C5orf24: variants seen among roughly 807,000 people sequenced by gnomAD.
C5orf24 encodes UPF0461 protein C5orf24.
A neutral mutation model predicts 9.8 loss-of-function variants in C5orf24; 4 were observed. That is an observed-to-expected ratio of 0.41 (90% CI 0.20 to 0.93). C5orf24 has a LOEUF of 0.93. Among genes scored for constraint, C5orf24 ranks in the 40% least tolerant of loss-of-function variants. The probability of loss-of-function intolerance (pLI) is 0.33; values close to 1 mark genes in which losing one functional copy is unlikely to be tolerated. For missense variants in C5orf24, 170 were observed against 236.9 expected, an observed-to-expected ratio of 0.72 and a Z score of 1.85; for synonymous variants, 73 against 81.3, an observed-to-expected ratio of 0.90 and a Z score of 0.55.
chr5:134,850,395 C>T (rs763318322), intron 1 of C5orf24, among the ~76,000 whole-genome samples: 3 of 152,102 alleles, frequency 2.0e-5, no homozygotes, highest in Non-Finnish European at 4.4e-5. Context: ...GATCCACCCG[C>T]CTTGGCCTCC....
At chr5:134,853,301 C>T (rs1380695030) in intron 1 of C5orf24, among the ~76,000 whole-genome samples, 8 of 148,532 alleles carry the variant, frequency 5.4e-5, no homozygotes, top group Admixed American at 2.1e-4. Flanking sequence ...GCGGAGGTTG[C>T]GGTGAGCCAA....
At chr5:134,845,146 C>G (rs1463190614), upstream of C5orf24, among the ~76,000 whole-genome samples, 1 of 152,192 alleles carries the variant, frequency 6.6e-6, no homozygotes, top group Non-Finnish European at 1.5e-5. Flanking sequence ...GTGTTGTGTC[C>G]TGGCTTGTGT....
At chr5:134,839,452 T>C in the C5orf24 span, among the ~76,000 whole-genome samples, 1 of 151,956 alleles carries the variant, frequency 6.6e-6, no homozygotes, top group Non-Finnish European at 1.5e-5. Context: ...TAAATCCGTA[T>C]CTATCTTCAT....
At position 134,850,941 on chromosome 5, in the gene C5orf24, C is replaced by T. The variant is rs867698875; in HGVS notation, c.-3-3957C>T. ...GTTCATATATATATATATATATACA[C>T]ACACACACACACACTACACACACAT... On this transcript the variant is annotated intron_variant, in intron 1 of 1. Coordinates refer to ENST00000394976, the MANE Select transcript of C5orf24 (RefSeq NM_001135586.1). Among the ~76,000 whole-genome samples the T allele has an allele frequency of 5.0e-3, 689 of 138,084 alleles. 7 individuals carry two copies. Among genetic ancestry groups the T allele is most frequent in the African/African-American group, 0.018 (639 of 34,582 alleles). The allele number at this position is 138,084 out of a possible 152,430, so 90.6% of individuals were successfully genotyped here. A position where few individuals can be genotyped will look rare whatever the true frequency, so the allele number is the denominator to read the frequency against.
At position 134,857,362 on chromosome 5, in the gene C5orf24, A is replaced by C. The variant is rs1281813901; in HGVS notation, c.*1895A>C. 6.5e-7 allele frequency: 1 copy of C among 1,547,632 alleles called. No homozygotes were observed. Among genetic ancestry groups the C allele is most frequent in the East Asian group, 2.4e-5 (1 of 40,866 alleles). On this transcript the variant is annotated 3_prime_UTR_variant, in exon 2 of 2. Transcript: ENST00000394976. ...TTTCATACCTTTTTTATCAGGAAAAAAGCAGCAAGCCTTCAGGTGTTCCAG... is the reference window on the plus strand; with the variant it reads ...TTTCATACCTTTTTTATCAGGAAAACAGCAGCAAGCCTTCAGGTGTTCCAG...
chr5:134,857,577 C>G lies in C5orf24; in HGVS notation c.*2110C>G. 6 of 779,052 alleles carry G rather than the reference C, an allele frequency of 7.7e-6. No homozygotes were observed. The highest frequency in any genetic ancestry group is 1.1e-5 in the Non-Finnish European group (6 of 551,190). The allele number at this position is 779,052 out of a possible 1,614,324, so 48.3% of individuals were successfully genotyped here. On this transcript the variant is annotated 3_prime_UTR_variant, in exon 2 of 2. Transcript: ENST00000394976. ...TAACATTCTGGCAGCTAAATTGCTA[C>G]AAGAGCTTTTTCTTGCAAAAGCTTA...
Position 134,855,459 on chromosome 5 carries a change from AAT to A in C5orf24, c.560_561del (p.Asn187ArgfsTer12), listed in dbSNP as rs767039261. ...AACTAGCAGTGAAGTCAAACCACCCAATGAGTGAATGAGGCAGGAAAAGAGGG... is the reference window on the plus strand; with the variant it reads ...AACTAGCAGTGAAGTCAAACCACCCAGAGTGAATGAGGCAGGAAAAGAGGG... ...EETSSEVKPPNE is the reference protein window; with the variant it reads ...EETSSEVKPPXE On this transcript the variant is annotated frameshift_variant, in exon 2 of 2. Coordinates refer to ENST00000394976, the MANE Select transcript of C5orf24 (RefSeq NM_001135586.1). LOFTEE classifies it high-confidence loss of function. 6.2e-7 allele frequency: 1 copy of A among 1,614,050 alleles called. No individual in the cohort carries two copies. The highest frequency in any genetic ancestry group is 8.5e-7 in the Non-Finnish European group (1 of 1,180,002).
intron 1 of C5orf24, among the ~76,000 whole-genome samples, chr5:134,851,164 G>T (rs764119076): frequency 6.6e-6 from 1 of 151,842 alleles, no homozygotes; most frequent in Non-Finnish European, 1.5e-5. Flanking sequence ...CTGACCTTAG[G>T]TGATTTTCCC....
the C5orf24 span, chr5:134,833,718 G>A: frequency 2.6e-5 from 4 of 152,192 alleles, no homozygotes; most frequent in Non-Finnish European, 5.9e-5. Flanking sequence ...AGGGGTCCAA[G>A]TAGGAATGCA....
chr5:134,840,424 G>A, the C5orf24 span, among the ~76,000 whole-genome samples: 7 of 151,828 alleles, frequency 4.6e-5, no homozygotes, highest in Admixed American at 4.6e-4. Context: ...GTTCAGGCTG[G>A]AGTACAGTGT....
intron 1 of C5orf24, among the ~76,000 whole-genome samples, chr5:134,849,905 G>A (rs1043562412): frequency 4.0e-5 from 6 of 151,672 alleles, no homozygotes; most frequent in African/African-American, 1.5e-4. Flanking sequence ...TGATCCACCC[G>A]CCTCAGCCTC....
chr5:134,856,916 GTTAGT>G lies in C5orf24; in HGVS notation c.*1453_*1457del. ...CATGAAACATGTAAAAAATATGTTGGTTAGTTTAATTAAAAATCTTATTGTGGGTC... is the reference window on the plus strand; with the variant it reads ...CATGAAACATGTAAAAAATATGTTGGTTAATTAAAAATCTTATTGTGGGTC... On this transcript the variant is annotated 3_prime_UTR_variant, in exon 2 of 2. Coordinates refer to ENST00000394976, the MANE Select transcript of C5orf24 (RefSeq NM_001135586.1). The G allele has an allele frequency of 1.0e-6, 1 of 1,001,390 alleles. No homozygotes were observed. The highest frequency in any genetic ancestry group is 1.2e-6 in the Non-Finnish European group (1 of 830,844). The allele number at this position is 1,001,390 out of a possible 1,614,324, so 62.0% of individuals were successfully genotyped here.
At chr5:134,837,392 G>A in the C5orf24 span, among the ~76,000 whole-genome samples, 3 of 152,166 alleles carry the variant, frequency 2.0e-5, no homozygotes. Context: ...CGTAAAAATA[G>A]TGCCTGGCAT....
the C5orf24 span, among the ~76,000 whole-genome samples, chr5:134,833,926 T>G: frequency 1.2e-4 from 18 of 152,244 alleles, no homozygotes; most frequent in Middle Eastern, 3.4e-3. Flanking sequence ...GAGTTCATGA[T>G]TTTTTTCAAA....
chr5:134,847,554 A>G (rs772165837), intron 1 of C5orf24, among the ~76,000 whole-genome samples: 5 of 152,140 alleles, frequency 3.3e-5, no homozygotes, highest in Admixed American at 6.6e-5. Flanking sequence ...TCAACCTCCC[A>G]AAGTGCTGGG....
At chr5:134,841,526 G>T (rs748642277), upstream of C5orf24, among the ~76,000 whole-genome samples, 2 of 152,106 alleles carry the variant, frequency 1.3e-5, no homozygotes, top group Non-Finnish European at 2.9e-5. Flanking sequence ...GGTGGAGGTT[G>T]CAGGGAACCA....
the C5orf24 span, among the ~76,000 whole-genome samples, chr5:134,840,570 GTCAT>G: frequency 1.3e-5 from 2 of 152,028 alleles, no homozygotes; most frequent in Non-Finnish European, 2.9e-5. Context: ...GTCTCACTCT[GTCAT>G]TCAATCTGAA....
chr5:134,855,796 A>C lies in C5orf24; in HGVS notation c.*329A>C, dbSNP rs1270157376. On this transcript the variant is annotated 3_prime_UTR_variant, in exon 2 of 2. Coordinates refer to ENST00000394976, the MANE Select transcript of C5orf24 (RefSeq NM_001135586.1). Reference sequence around the variant, plus strand: ...GATGCTTTATGTGATAAACAACTGAAACCATTATACCTATTAGTTTGTGAA... The same window carrying C: ...GATGCTTTATGTGATAAACAACTGACACCATTATACCTATTAGTTTGTGAA... 1 of 1,179,338 alleles carries C rather than the reference A, an allele frequency of 8.5e-7. No homozygotes were observed. The highest frequency in any genetic ancestry group is 1.1e-6 in the Non-Finnish European group (1 of 940,442). The allele number at this position is 1,179,338 out of a possible 1,614,324, so 73.1% of individuals were successfully genotyped here.
chr5:134,838,606 C>T, the C5orf24 span, among the ~76,000 whole-genome samples: 1 of 152,094 alleles, frequency 6.6e-6, no homozygotes, highest in African/African-American at 2.4e-5. Context: ...CACGCCACCA[C>T]ATTCCAGCCT....
Sources: gnomAD v4.1 joint callset for allele counts (sites outside exome capture counted in the v4.1 genomes callset) on GRCh38, gnomAD v4.1.1 for gene constraint, MANE v1.5 for transcripts, NCBI Gene and HGNC (gene_info 2026-07-23, HGNC 2026-07-21) for gene names.